The following COL21A1 variants were observed in gnomAD, a reference collection of about 807,000 sequenced individuals.
The protein encoded by COL21A1 is collagen alpha-1(XXI) chain.
COL21A1 carries 149 observed loss-of-function variants against 137.9 expected under a neutral mutation model. The ratio of observed to expected loss-of-function variants is 1.08; its 90% confidence interval spans 0.95 to 1.24. The LOEUF (loss-of-function observed/expected upper bound fraction) is 1.24, where lower values mean the gene tolerates loss of function less well. Among genes scored for constraint, COL21A1 ranks in the 50% most tolerant of loss-of-function variants. The probability of loss-of-function intolerance (pLI) is 0.00; values close to 1 mark genes in which losing one functional copy is unlikely to be tolerated. For missense variants in COL21A1, 1,167 were observed against 1,158.4 expected, an observed-to-expected ratio of 1.01 and a Z score of -0.11; for synonymous variants, 456 against 391.5, an observed-to-expected ratio of 1.16 and a Z score of -1.95.
Position 56,101,456 on chromosome 6 carries a change from A to G in COL21A1, c.1812+16T>C. On this transcript the variant is annotated intron_variant, in intron 17 of 29. Coordinates refer to ENST00000244728, the MANE Select transcript of COL21A1 (RefSeq NM_030820.4). The stretch of plus-strand genomic sequence containing the variant: ...AAGAACTTCATCTTTTAGAACTGAA[A>G]TGAGAAGGTACTCACAGGCTCTCCC... The G allele has an allele frequency of 2.5e-6, 4 of 1,576,784 alleles. No homozygotes were observed. Among genetic ancestry groups the G allele is most frequent in the Non-Finnish European group, 3.5e-6 (4 of 1,155,312 alleles).
At chr6:56,104,771 A>T (rs894944546) in intron 16 of COL21A1, among the ~76,000 whole-genome samples, 1 of 152,232 alleles carries the variant, frequency 6.6e-6, no homozygotes, top group Non-Finnish European at 1.5e-5. Flanking sequence ...GTTCTTTAAA[A>T]AAAAGGAAAT....
intron 1 of COL21A1, among the ~76,000 whole-genome samples, chr6:56,246,471 T>C (rs1215323799): frequency 1.0e-3 from 4 of 3,846 alleles, no homozygotes; most frequent in Admixed American, 6.8e-3. Flanking sequence ...CCCAGTATGC[T>C]TTTTTTTTTT....
At chr6:56,082,001 C>T (rs1582276428) in intron 17 of COL21A1, among the ~76,000 whole-genome samples, 2 of 151,924 alleles carry the variant, frequency 1.3e-5, no homozygotes, top group East Asian at 3.9e-4. Flanking sequence ...AAGGCTACTG[C>T]AGTAACTGGC....
intron 1 of COL21A1, among the ~76,000 whole-genome samples, chr6:56,211,834 A>G (rs1242147451): frequency 6.6e-6 from 1 of 152,130 alleles, no homozygotes; most frequent in East Asian, 1.9e-4. Context: ...AATTAATAAA[A>G]TACATCAATC....
intron 22 of COL21A1, among the ~76,000 whole-genome samples, chr6:56,067,971 C>T (rs558487673): frequency 6.6e-6 from 1 of 151,696 alleles, no homozygotes; most frequent in South Asian, 2.1e-4. Flanking sequence ...AATACTTCAC[C>T]GTACTATCTA....
chr6:56,088,684 A>G (rs1393861737), intron 17 of COL21A1, among the ~76,000 whole-genome samples: 1 of 152,084 alleles, frequency 6.6e-6, no homozygotes, highest in Non-Finnish European at 1.5e-5. Flanking sequence ...GCTTTTTGGG[A>G]GCACTTCCAA....
intron 5 of COL21A1, among the ~76,000 whole-genome samples, chr6:56,170,100 T>C (rs1043183052): frequency 4.6e-5 from 7 of 151,920 alleles, no homozygotes; most frequent in African/African-American, 1.7e-4. Context: ...GTTTGTATAT[T>C]CTATTAAATA....
At chr6:56,315,507 C>A (rs1394252417) in intron 1 of COL21A1, among the ~76,000 whole-genome samples, 1 of 152,022 alleles carries the variant, frequency 6.6e-6, no homozygotes, top group African/African-American at 2.4e-5. Flanking sequence ...TCTGAAGGAC[C>A]AACAGAAAGG....
intron 1 of COL21A1, among the ~76,000 whole-genome samples, chr6:56,227,199 G>A (rs1187677034): frequency 6.6e-6 from 1 of 151,978 alleles, no homozygotes; most frequent in Non-Finnish European, 1.5e-5. Flanking sequence ...CAGATGTGAA[G>A]TTCATATGAT....
At chr6:56,180,438 A>G (rs1777810443) in intron 2 of COL21A1, among the ~76,000 whole-genome samples, 1 of 152,248 alleles carries the variant, frequency 6.6e-6, no homozygotes, top group Non-Finnish European at 1.5e-5. Flanking sequence ...CAACTCTTGC[A>G]TTATATCCAA....
At chr6:56,337,956 CTTTTCTTTTT>C (rs1562062800) in intron 1 of COL21A1, among the ~76,000 whole-genome samples, 1 of 117,706 alleles carries the variant, frequency 8.5e-6, no homozygotes. Flanking sequence ...CTTTTCTTTT[CTTTTCTTTTT>C]TTTTTTTTTT....
chr6:56,179,736 C>T lies in COL21A1; in HGVS notation c.482G>A (p.Ser161Asn), dbSNP rs748246418. 7 of 1,613,962 alleles carry T rather than the reference C, an allele frequency of 4.3e-6. No individual in the cohort carries two copies. Among genetic ancestry groups the T allele is most frequent in the East Asian group, 2.2e-5 (1 of 44,886 alleles). The change falls in exon 3 of 30, where the codon AGT (serine) becomes AAT (asparagine). Residue 161 changes from serine (S) to asparagine (N), a missense_variant. Transcript: ENST00000244728. Reference protein sequence around the residue: ...VKDAAQAARDSKITLFAIGVG... With the variant: ...VKDAAQAARDNKITLFAIGVG... ...ACCAATAGCAAATAATGTTATCTTA[C>T]TATCTCTTGCTGCTTGAGCTGCATC...
At position 56,098,840 on chromosome 6, in the gene COL21A1, C is replaced by G. The variant is rs546215484; in HGVS notation, c.1812+2632G>C. 4.8e-4 allele frequency among the ~76,000 whole-genome samples: 70 copies of G among 146,470 alleles called. 2 individuals are homozygous for G. The South Asian group carries it at 0.011, about 23-fold the overall frequency. Reference sequence around the variant, plus strand: ...AAGCGATTCTCCTGCCTCAGCCTCCCGAGTAGCTGGGACTACAGGCACGTG... The same window carrying G: ...AAGCGATTCTCCTGCCTCAGCCTCCGGAGTAGCTGGGACTACAGGCACGTG... On this transcript the variant is annotated intron_variant, in intron 17 of 29. Coordinates refer to ENST00000244728, the MANE Select transcript of COL21A1 (RefSeq NM_030820.4).
chr6:56,262,295 T>G (rs558072615), intron 1 of COL21A1, among the ~76,000 whole-genome samples: 1 of 152,342 alleles, frequency 6.6e-6, no homozygotes, highest in Non-Finnish European at 1.5e-5. Context: ...CTCTGTACTT[T>G]CATTTACTAT....
intron 1 of COL21A1, among the ~76,000 whole-genome samples, chr6:56,369,192 CT>C (rs1766168550): frequency 6.6e-6 from 1 of 151,864 alleles, no homozygotes; most frequent in South Asian, 2.1e-4. Context: ...TCATTGGTGG[CT>C]TTTTAAAGAT....
At chr6:56,192,472 G>A (rs769819363) in intron 1 of COL21A1, among the ~76,000 whole-genome samples, 9 of 141,000 alleles carry the variant, frequency 6.4e-5, no homozygotes, top group Non-Finnish European at 1.2e-4. Flanking sequence ...AATCTACATA[G>A]AACTTAAACA....
Position 56,164,494 on chromosome 6 carries a change from G to C in COL21A1, c.1300C>G (p.Pro434Ala). 6.3e-7 allele frequency: 1 copy of C among 1,583,852 alleles called. No homozygotes were observed. The highest frequency in any genetic ancestry group is 1.8e-5 in the Admixed American group (1 of 55,640). The change falls in exon 9 of 30, where the codon CCC becomes GCC. Residue 434 changes from proline (P) to alanine (A), a missense_variant. Transcript: ENST00000244728. The part of the protein sequence containing the change: ...PGFNGECLNG[P>A]SDVGSTPAPC... ...GCTGGAGTTGAACCTACATCACTGG[G>C]ACCATTAAGGCACTATAAAGACAAA...
rs143088785 is a variant in COL21A1 at position 56,268,397 on chromosome 6, C to T, written c.-38-85741G>A. 4.0e-3 allele frequency among the ~76,000 whole-genome samples: 603 copies of T among 152,266 alleles called. 4 individuals are homozygous for T. The highest frequency in any genetic ancestry group is 5.7e-3 in the Non-Finnish European group (389 of 68,034). The stretch of plus-strand genomic sequence containing the variant: ...ATGAGGGAATCATGTCTCTCAAACC[C>T]CCACTACAGAGCATGGTTGTGAACA... On this transcript the variant is annotated intron_variant, in intron 1 of 28. Transcript: ENST00000370819.
At chr6:56,098,873 G>A (rs78031556) in intron 17 of COL21A1, among the ~76,000 whole-genome samples, 1 of 148,086 alleles carries the variant, frequency 6.8e-6, no homozygotes, top group Non-Finnish European at 1.5e-5. Flanking sequence ...GTGCCACCAC[G>A]CCCTGCTAAT....
Sources: allele counts gnomAD v4.1 joint callset (sites outside exome capture counted in the v4.1 genomes callset), GRCh38; gene constraint gnomAD v4.1.1; transcripts MANE v1.5; gene names NCBI Gene and HGNC (gene_info 2026-07-23, HGNC 2026-07-21).